VPS8: variants seen among roughly 807,000 people sequenced by gnomAD.
VPS8 encodes vacuolar protein sorting-associated protein 8 homolog.
In VPS8, 129 loss-of-function variants were observed where a neutral mutation model predicts 216.4. The observed-to-expected ratio is 0.60, with a 90% confidence interval of 0.52 to 0.69. The LOEUF is 0.69. Ranked by LOEUF, VPS8 falls within the 30% of genes least tolerant of loss-of-function variation. The probability of loss-of-function intolerance (pLI) is 0.00; values close to 1 mark genes in which losing one functional copy is unlikely to be tolerated. For missense variants in VPS8, 1,531 were observed against 1,683.5 expected (o/e 0.91, Z 1.59); for synonymous variants, 571 against 565.4 (o/e 1.01, Z -0.14).
At chr3:184,898,868 G>A (rs1465632338) in intron 24 of VPS8, among the ~76,000 whole-genome samples, 2 of 151,974 alleles carry the variant, frequency 1.3e-5, no homozygotes, top group African/African-American at 4.8e-5. Flanking sequence ...AAATAAGTAG[G>A]TATTTAAATA....
chr3:184,877,111 A>C (rs1381083478), intron 21 of VPS8, among the ~76,000 whole-genome samples: 1 of 152,126 alleles, frequency 6.6e-6, no homozygotes, highest in Admixed American at 6.5e-5. Flanking sequence ...GCCTTTGTGC[A>C]CAGTGTTCTC....
chr3:184,914,936 T>C (rs1389631574), intron 26 of VPS8, 45 bp from the exon 27 acceptor site: 3 of 1,554,276 alleles, frequency 1.9e-6, no homozygotes, highest in African/African-American at 1.4e-5. Context: ...TTGAAAGTTA[T>C]CCCCTTTACA....
intron 25 of VPS8, among the ~76,000 whole-genome samples, chr3:184,906,250 T>C (rs1308367489): frequency 1.3e-5 from 2 of 152,224 alleles, no homozygotes; most frequent in Admixed American, 6.5e-5. Context: ...CCTTCTCATA[T>C]TGATTTCTAC....
intron 1 of VPS8, among the ~76,000 whole-genome samples, chr3:184,814,078 T>G (rs1032040102): frequency 2.6e-5 from 4 of 152,246 alleles, no homozygotes; most frequent in Admixed American, 2.0e-4. Context: ...AGCTTTGCGT[T>G]GGATTTTTCA....
chr3:184,989,060 AAGAC>A (rs1385363589), intron 42 of VPS8, among the ~76,000 whole-genome samples: 2 of 152,216 alleles, frequency 1.3e-5, no homozygotes, highest in Non-Finnish European at 2.9e-5. Context: ...TCTGCAAACA[AAGAC>A]AGTTTTATTT....
At chr3:184,982,730 CT>C (rs1750420261) in intron 41 of VPS8, 83 bp downstream of exon 41, 4 of 1,153,196 alleles carry the variant, frequency 3.5e-6, no homozygotes, top group South Asian at 2.9e-5. Context: ...AGTATAATAT[CT>C]TTTTCCAATA....
intron 46 of VPS8, among the ~76,000 whole-genome samples, chr3:185,036,820 C>CA (rs1228687454): frequency 6.6e-6 from 1 of 151,736 alleles, no homozygotes; most frequent in African/African-American, 2.4e-5. Context: ...ACAGATGCAA[C>CA]AATAGGTTGT....
chr3:184,916,527 TAAAC>T (rs1169846560), intron 28 of VPS8, among the ~76,000 whole-genome samples: 1 of 152,042 alleles, frequency 6.6e-6, no homozygotes. Context: ...ATAAATATAA[TAAAC>T]TATTAAATTA....
At chr3:184,912,306 G>C (rs1227186155) in intron 25 of VPS8, among the ~76,000 whole-genome samples, 1 of 152,144 alleles carries the variant, frequency 6.6e-6, no homozygotes, top group Non-Finnish European at 1.5e-5. Flanking sequence ...ATATGCATTT[G>C]TCTTGGGATG....
chr3:185,002,556 G>A (rs1189696556), intron 45 of VPS8, among the ~76,000 whole-genome samples: 1 of 152,148 alleles, frequency 6.6e-6, no homozygotes, highest in African/African-American at 2.4e-5. Flanking sequence ...CACCCAAGCA[G>A]TGTACCCTAT....
intron 22 of VPS8, among the ~76,000 whole-genome samples, chr3:184,892,995 C>T (rs906482597): frequency 6.6e-6 from 1 of 151,886 alleles, no homozygotes; most frequent in Non-Finnish European, 1.5e-5. Context: ...TTTTGCTTGG[C>T]TAGTAATCGG....
chr3:184,939,554 CT>C (rs71632037), intron 35 of VPS8, among the ~76,000 whole-genome samples: 77,546 of 141,056 alleles, frequency 0.55, 22,013 homozygotes, highest in Middle Eastern at 0.69. Flanking sequence ...TTGCTGTCCT[CT>C]TTTTTTTTTT....
intron 42 of VPS8, among the ~76,000 whole-genome samples, chr3:184,991,832 T>C (rs1751940038): frequency 6.6e-6 from 1 of 152,288 alleles, no homozygotes; most frequent in Non-Finnish European, 1.5e-5. Context: ...GAAGGACTAG[T>C]CTGAAATATC....
intron 33 of VPS8, 64 bp from the exon 34 acceptor site, chr3:184,930,406 C>T (rs1322118399): frequency 1.8e-6 from 2 of 1,138,146 alleles, no homozygotes; most frequent in Admixed American, 1.8e-5. Flanking sequence ...AAGACTGGTT[C>T]AGTTGGTAGG....
intron 29 of VPS8, among the ~76,000 whole-genome samples, chr3:184,922,883 A>G (rs1388868635): frequency 6.6e-6 from 1 of 152,122 alleles, no homozygotes; most frequent in Non-Finnish European, 1.5e-5. Context: ...GAAGAAATGG[A>G]AAGGAAATGG....
intron 34 of VPS8, among the ~76,000 whole-genome samples, chr3:184,931,504 A>G (rs1320824936): frequency 6.6e-6 from 1 of 152,170 alleles, no homozygotes; most frequent in Non-Finnish European, 1.5e-5. Flanking sequence ...GAAAAACTAT[A>G]AGAAAGGATA....
rs544499940 is a variant in VPS8, at chr3:184,838,791, G to A, written c.480+45G>A. ...TTAAAGGTAAGTTTTCTATTTGATT[G>A]GGTTTTCTTAGATTTATCATTACAT... On this transcript the variant is annotated intron_variant, in intron 6 of 47. Transcript: ENST00000625842. 5 of 1,436,750 alleles carry A rather than the reference G, an allele frequency of 3.5e-6. No individual in the cohort carries two copies. The Admixed American group carries it at 6.9e-5, about 20-fold the overall frequency. The allele number at this position is 1,436,750 out of a possible 1,614,324, so 89.0% of individuals were successfully genotyped here.
At chr3:184,915,181 C>T in intron 27 of VPS8, 128 bp downstream of exon 27, 6 of 1,328,652 alleles carry the variant, frequency 4.5e-6, no homozygotes, top group Admixed American at 2.2e-5. Context: ...AGCTTACACA[C>T]TATTACTAAA....
At position 184,978,927 on chromosome 3, in the gene VPS8, T is replaced by C. The variant is rs376740088; in HGVS notation, c.3421-3639T>C. 1.8e-4 allele frequency among the ~76,000 whole-genome samples: 28 copies of C among 152,354 alleles called. No individual in the cohort carries two copies. The South Asian group carries it at 5.2e-3, about 28-fold the overall frequency. Reference sequence around the variant, plus strand: ...TTGAGATCTTTCTAACTTTTCGATGTGGGCATTTAGCACTATAAACTTACC... The same window carrying C: ...TTGAGATCTTTCTAACTTTTCGATGCGGGCATTTAGCACTATAAACTTACC... On this transcript the variant is annotated intron_variant, in intron 40 of 47. Transcript: ENST00000625842.
Sources: allele counts gnomAD v4.1 joint callset (sites outside exome capture counted in the v4.1 genomes callset), GRCh38; gene constraint gnomAD v4.1.1; transcripts MANE v1.5; gene names NCBI Gene and HGNC (gene_info 2026-07-23, HGNC 2026-07-21).